Variants in ADK observed in about 807,000 individuals in gnomAD.
ADK encodes the protein N6,N6-dimethyladenosine kinase.
A neutral mutation model predicts 44.7 loss-of-function variants in ADK; 24 were observed. That is an observed-to-expected ratio of 0.54 (90% CI 0.39 to 0.76). The LOEUF (loss-of-function observed/expected upper bound fraction) is 0.76. Among genes scored for constraint, ADK ranks in the 30% least tolerant of loss-of-function variants. The pLI, the probability that ADK is intolerant of heterozygous loss-of-function variation, is 0.00. For synonymous variants in ADK, 128 were observed against 142.6 expected (o/e 0.90, Z 0.73); for missense variants, 321 against 425.1 (o/e 0.76, Z 2.15).
chr10:74,192,311 T>C (rs1842980893), intron 1 of ADK, among the ~76,000 whole-genome samples: 1 of 152,084 alleles, frequency 6.6e-6, no homozygotes, highest in Non-Finnish European at 1.5e-5. Context: ...CACCACAACC[T>C]CCGCCTCCCG....
chr10:74,372,488 A>C (rs1382143177), intron 4 of ADK: 1 of 432,004 alleles, frequency 2.3e-6, no homozygotes, highest in African/African-American at 2.0e-5. Context: ...TTTAAAAAAA[A>C]AAAAGTAATG....
At chr10:74,229,874 C>T (rs1304000309) in intron 3 of ADK, among the ~76,000 whole-genome samples, 2 of 151,580 alleles carry the variant, frequency 1.3e-5, no homozygotes, top group Non-Finnish European at 2.9e-5. Context: ...CTTGTCTCTA[C>T]AAAAAGTTAA....
intron 2 of ADK, among the ~76,000 whole-genome samples, chr10:74,217,653 G>A (rs1240744064): frequency 1.4e-4 from 21 of 152,138 alleles, no homozygotes; most frequent in Non-Finnish European, 2.2e-4. Context: ...TCACATGGCC[G>A]GGTACTCCTC....
chr10:74,383,553 G>T (rs1485875118), intron 4 of ADK, among the ~76,000 whole-genome samples: 3 of 152,114 alleles, frequency 2.0e-5, no homozygotes, highest in African/African-American at 7.2e-5. Context: ...GTTCTCTGCT[G>T]TAAGATTCTT....
intron 1 of ADK, among the ~76,000 whole-genome samples, chr10:74,193,366 C>T (rs992806811): frequency 3.9e-5 from 6 of 152,114 alleles, no homozygotes; most frequent in Non-Finnish European, 5.9e-5. Context: ...CGTCATTTAA[C>T]ATTAGGTATA....
chr10:74,353,893 T>G (rs894395465), intron 4 of ADK, among the ~76,000 whole-genome samples: 2 of 152,132 alleles, frequency 1.3e-5, no homozygotes, highest in African/African-American at 4.8e-5. Context: ...TCAGTTTACT[T>G]GATTTTGCTT....
chr10:74,559,641 A>T (rs1850384047), intron 7 of ADK, among the ~76,000 whole-genome samples: 1 of 152,190 alleles, frequency 6.6e-6, no homozygotes, highest in Non-Finnish European at 1.5e-5. Flanking sequence ...CTACCAAATC[A>T]TATTCTCTGT....
chr10:74,446,819 C>T (rs1033114604), intron 6 of ADK, among the ~76,000 whole-genome samples: 1 of 152,074 alleles, frequency 6.6e-6, no homozygotes, highest in African/African-American at 2.4e-5. Flanking sequence ...AAACTGTTAA[C>T]ATTGATTTTA....
intron 9 of ADK, among the ~76,000 whole-genome samples, chr10:74,621,798 G>C (rs1405486001): frequency 2.0e-5 from 3 of 152,016 alleles, no homozygotes; most frequent in Non-Finnish European, 4.4e-5. Flanking sequence ...TGTTAGTGTA[G>C]AGTCCAATTA....
Position 74,708,471 on chromosome 10 carries a change from G to A in ADK, c.*26G>A, listed in dbSNP as rs1856684856. The A allele has an allele frequency of 1.2e-6, 2 of 1,606,624 alleles. No individual in the cohort carries two copies. The highest frequency in any genetic ancestry group is 1.7e-6 in the Non-Finnish European group (2 of 1,177,736). On this transcript the variant is annotated 3_prime_UTR_variant, in exon 11 of 11. Transcript: ENST00000539909. ...TGGAAGAGCTGAAAACACAAGCCCAGGAGTGCAGACACTGCCCTAATTGCT... is the reference window on the plus strand; with the variant it reads ...TGGAAGAGCTGAAAACACAAGCCCAAGAGTGCAGACACTGCCCTAATTGCT...
intron 1 of ADK, among the ~76,000 whole-genome samples, chr10:74,183,757 C>G (rs936461923): frequency 6.6e-6 from 1 of 152,088 alleles, no homozygotes; most frequent in African/African-American, 2.4e-5. Flanking sequence ...ACCCACCCAC[C>G]TCGGCCTCCC....
intron 7 of ADK, among the ~76,000 whole-genome samples, chr10:74,557,697 C>T (rs1850312626): frequency 6.6e-6 from 1 of 152,152 alleles, no homozygotes; most frequent in South Asian, 2.1e-4. Flanking sequence ...GACCCAACCT[C>T]CCTGCTGGCT....
chr10:74,383,817 C>G (rs1843054945), intron 4 of ADK, among the ~76,000 whole-genome samples: 1 of 152,120 alleles, frequency 6.6e-6, no homozygotes. Context: ...TAAGGATGTT[C>G]TTTTTTTCTG....
intron 2 of ADK, among the ~76,000 whole-genome samples, chr10:74,213,536 AAG>A (rs1843904105): frequency 2.6e-5 from 1 of 38,342 alleles, no homozygotes; most frequent in East Asian, 4.0e-4. Context: ...AAAAAAAAGA[AAG>A]AGTAAAAAGT....
At chr10:74,596,030 C>T (rs1435456737) in intron 8 of ADK, among the ~76,000 whole-genome samples, 1 of 147,594 alleles carries the variant, frequency 6.8e-6, no homozygotes, top group Non-Finnish European at 1.5e-5. Flanking sequence ...CTGAAATTCG[C>T]TGGAGTAAAA....
At chr10:74,245,775 G>T (rs1192442429) in intron 3 of ADK, among the ~76,000 whole-genome samples, 1 of 151,924 alleles carries the variant, frequency 6.6e-6, no homozygotes, top group Non-Finnish European at 1.5e-5. Context: ...AATTTTAGTA[G>T]AGATGGGGTT....
intron 3 of ADK, among the ~76,000 whole-genome samples, chr10:74,295,383 AC>A (rs1283435194): frequency 6.6e-6 from 1 of 151,558 alleles, no homozygotes; most frequent in Non-Finnish European, 1.5e-5. Context: ...AATCACTTGA[AC>A]CTGAGAGGCG....
At chr10:74,172,501 CA>C (rs1213474874) in intron 1 of ADK, among the ~76,000 whole-genome samples, 1 of 152,008 alleles carries the variant, frequency 6.6e-6, no homozygotes, top group Non-Finnish European at 1.5e-5. Flanking sequence ...CCAGCCTGAC[CA>C]ACATGGAGAA....
intron 4 of ADK, among the ~76,000 whole-genome samples, chr10:74,326,360 G>A (rs1841010306): frequency 6.6e-6 from 1 of 151,886 alleles, no homozygotes; most frequent in East Asian, 1.9e-4. Flanking sequence ...CACTTTGGGA[G>A]GCTGAGGCAG....
Sources: allele counts gnomAD v4.1 joint callset (sites outside exome capture counted in the v4.1 genomes callset), GRCh38; gene constraint gnomAD v4.1.1; transcripts MANE v1.5; gene names NCBI Gene and HGNC (gene_info 2026-07-23, HGNC 2026-07-21).